The following FAM149A variants were observed in gnomAD, a reference collection of about 807,000 sequenced individuals.
FAM149A encodes protein FAM149A.
A neutral mutation model predicts 78.2 loss-of-function variants in FAM149A; 71 were observed. The observed-to-expected ratio is 0.91, with a 90% CI of 0.75 to 1.11. The LOEUF is 1.11. FAM149A is among the 50% of genes least tolerant of loss of function. The pLI, the probability that FAM149A is intolerant of heterozygous loss-of-function variation, is 0.00. For synonymous variants in FAM149A, 446 were observed against 410.5 expected (o/e 1.09, Z -1.04); for missense variants, 1,036 against 971.0 (o/e 1.07, Z -0.89).
chr4:186,169,168 A>G, intron 13 of FAM149A: 1 of 983,178 alleles, frequency 1.0e-6, no homozygotes, highest in Non-Finnish European at 1.2e-6. Flanking sequence ...TCATTGACCA[A>G]ATGCCAAGTC....
chr4:186,126,066 T>G, intron 1 of FAM149A: 1 of 985,392 alleles, frequency 1.0e-6, no homozygotes, highest in Non-Finnish European at 1.2e-6. Context: ...CAGACTCCTG[T>G]GGGATCTGGA....
chr4:186,124,267 T>TTC (rs2099317304), intron 1 of FAM149A: 1 of 971,466 alleles, frequency 1.0e-6, no homozygotes, highest in Non-Finnish European at 1.2e-6. Context: ...TTTTCTTTCT[T>TTC]TTTTTTTTAT....
At chr4:186,130,754 ATATGAGAT>A in intron 1 of FAM149A, among the ~76,000 whole-genome samples, 1 of 152,106 alleles carries the variant, frequency 6.6e-6, no homozygotes, top group South Asian at 2.1e-4. Flanking sequence ...CCTCTCATAG[ATATGAGAT>A]GGATTGAAAA....
chr4:186,150,482 C>T (rs13127380), intron 3 of FAM149A, among the ~76,000 whole-genome samples: 2 of 115,722 alleles, frequency 1.7e-5, no homozygotes, highest in Admixed American at 9.3e-5. Flanking sequence ...TGCAGGGGCG[C>T]GATCTCGGCT....
chr4:186,123,386 A>G, intron 1 of FAM149A: 3 of 985,058 alleles, frequency 3.0e-6, no homozygotes, highest in Non-Finnish European at 3.6e-6. Context: ...ACATGTGCTG[A>G]TGTTGGGAGA....
Position 186,104,814 on chromosome 4 carries a change from C to T in FAM149A, c.-263C>T, listed in dbSNP as rs998132691. Reference sequence around the variant, plus strand: ...GCGCTTCCCGGGGCTCCTGGCCCTTCGGCCCTCGGGGGTCTCACGGCGCTG... The same window carrying T: ...GCGCTTCCCGGGGCTCCTGGCCCTTTGGCCCTCGGGGGTCTCACGGCGCTG... On this transcript the variant is annotated 5_prime_UTR_variant, in exon 1 of 14. Coordinates refer to ENST00000389354, the MANE Select transcript of FAM149A (RefSeq NM_001367768.3). 9.3e-5 allele frequency among the ~76,000 whole-genome samples: 14 copies of T among 150,658 alleles called. No individual in the cohort carries two copies. Among genetic ancestry groups the T allele is most frequent in the African/African-American group, 3.4e-4 (14 of 40,612 alleles).
chr4:186,153,760 A>G lies in FAM149A; in HGVS notation c.1048A>G (p.Asn350Asp). The stretch of plus-strand genomic sequence containing the variant: ...GCTCAGTGCCTGCGGACACAGCAGC[A>G]ACATCAGAGAGTATGTTCAGATAAG... Residue 350 changes from asparagine to aspartate, a missense_variant, in exon 5 of 14, where the codon AAC becomes GAC. Physicochemically the swap from Asn to Asp is conservative, Grantham distance 23. This residue lies in a region of FAM149A where 716 missense variants were observed against 711.8 expected (regional missense o/e 1.01). Transcript: ENST00000389354. 6.2e-7 allele frequency: 1 copy of G among 1,607,234 alleles called. No individual in the cohort carries two copies. The highest frequency in any genetic ancestry group is 1.3e-5 in the African/African-American group (1 of 74,932).
At chr4:186,132,858 C>A in intron 1 of FAM149A, 1 of 513,396 alleles carries the variant, frequency 1.9e-6, no homozygotes, top group Non-Finnish European at 2.5e-6. Context: ...CTTTTGGCAT[C>A]CTGAACTGGG....
chr4:186,165,260 G>C, intron 10 of FAM149A, 84 bp from the exon 11 acceptor site: 1 of 1,506,932 alleles, frequency 6.6e-7, no homozygotes, highest in Non-Finnish European at 9.2e-7. Flanking sequence ...CAGAAACATT[G>C]AAATCACAGC....
chr4:186,157,130 T>A (rs7676896), intron 7 of FAM149A, among the ~76,000 whole-genome samples: 2 of 152,070 alleles, frequency 1.3e-5, no homozygotes, highest in African/African-American at 4.8e-5. Flanking sequence ...ATGTAAACAT[T>A]GCTAATTGAA....
In FAM149A at chr4:186,164,622, G is replaced by A. The variant is rs551982511; in HGVS notation, c.1890-722G>A. ...GAGATCCCTCTCCCTCCTCCGCCTC[G>A]CTTCCCCCCATGCCAGTCAGCAGCA... On this transcript the variant is annotated intron_variant, in intron 10 of 13. Coordinates refer to ENST00000389354, the MANE Select transcript of FAM149A (RefSeq NM_001367768.3). This position sits in a 1 kb window ranked among gnomAD's most constrained non-coding sequence, Gnocchi z 4.0. The A allele has an allele frequency of 6.0e-5, 22 of 366,294 alleles. No homozygotes were observed. Among genetic ancestry groups the A allele is most frequent in the Middle Eastern group, 1.5e-3 (1 of 686 alleles). 22.7% of individuals were successfully genotyped at this position (366,294 alleles called of 1,614,324 possible).
Position 186,162,966 on chromosome 4 carries a change from T to C in FAM149A, c.1679+18T>C, listed in dbSNP as rs1561415827. On this transcript the variant is annotated intron_variant, in intron 9 of 13. Transcript: ENST00000389354. ...AGAACGCAGTACGTATCAGAATCAG[T>C]AGTAGTTACCCAGCCTCTTCCCTGT... is the stretch of plus-strand genomic sequence containing the variant. The C allele has an allele frequency of 5.6e-6, 8 of 1,421,906 alleles. No homozygotes were observed. The South Asian group carries it at 8.2e-5, about 15-fold the overall frequency. 88.1% of individuals were successfully genotyped at this position (1,421,906 alleles called of 1,614,324 possible).
chr4:186,125,144 C>T, intron 1 of FAM149A: 2 of 478,700 alleles, frequency 4.2e-6, no homozygotes, highest in Non-Finnish European at 5.5e-6. Context: ...GGTCATGTGT[C>T]CACAGCCATA....
chr4:186,144,698 A>G lies in FAM149A; in HGVS notation c.567-4475A>G. 1 of 578,786 alleles carries G rather than the reference A, an allele frequency of 1.7e-6. No individual in the cohort carries two copies. Among genetic ancestry groups the G allele is most frequent in the Admixed American group, 6.4e-5 (1 of 15,632 alleles). 35.9% of individuals were successfully genotyped at this position (578,786 alleles called of 1,614,324 possible). On this transcript the variant is annotated intron_variant, in intron 1 of 13. Transcript: ENST00000389354. This position sits in a 1 kb window ranked among gnomAD's most constrained non-coding sequence, Gnocchi z 4.2. ...AACCCGGCCCGGCAGGGAGCGGGGA[A>G]GGCGCGCTTTCCCGGAGGTCGGCGC...
intron 1 of FAM149A, among the ~76,000 whole-genome samples, chr4:186,131,358 A>G (rs1209248477): frequency 2.0e-5 from 3 of 147,286 alleles, no homozygotes; most frequent in Admixed American, 6.8e-5. Context: ...AAAAAAAAAA[A>G]GAGGAAGACA....
chr4:186,139,295 G>A (rs2099324820), intron 1 of FAM149A, among the ~76,000 whole-genome samples: 1 of 152,118 alleles, frequency 6.6e-6, no homozygotes, highest in African/African-American at 2.4e-5. Context: ...TGGAGCCCTG[G>A]TCCCTCTATT....
intron 1 of FAM149A, chr4:186,108,965 A>G (rs1304188257): frequency 2.0e-5 from 3 of 150,184 alleles, no homozygotes; most frequent in Admixed American, 6.7e-5. Context: ...CTCCTGCCTC[A>G]GCCTCCCGAG....
intron 1 of FAM149A, among the ~76,000 whole-genome samples, chr4:186,106,695 C>T (rs939897653): frequency 1.3e-5 from 2 of 152,156 alleles, no homozygotes; most frequent in Admixed American, 1.3e-4. Flanking sequence ...CGCCTGTAAT[C>T]CCAGCACTTT....
In FAM149A at chr4:186,125,375, G is replaced by C. The variant is rs977863903; in HGVS notation, c.566+19733G>C. On this transcript the variant is annotated intron_variant, in intron 1 of 13. Coordinates refer to ENST00000389354, the MANE Select transcript of FAM149A (RefSeq NM_001367768.3). ...CCCACATCCCCTGCGGAGGTCTCTT[G>C]ATGATAGCCACTGCTGAGGGAAGCA... 3 of 972,990 alleles carry C rather than the reference G, an allele frequency of 3.1e-6. No homozygotes were observed. In the Admixed American group the frequency reaches 1.8e-4, roughly 60 times the overall value. 60.3% of individuals were successfully genotyped at this position (972,990 alleles called of 1,614,324 possible).
Sources: gnomAD v4.1 joint callset for allele counts (sites outside exome capture counted in the v4.1 genomes callset) on GRCh38, gnomAD v4.1.1 for gene constraint, gnomAD v4.1.1 regional missense constraint, Gnocchi (gnomAD v3.1) non-coding constraint, MANE v1.5 for transcripts, NCBI Gene and HGNC (gene_info 2026-07-23, HGNC 2026-07-21) for gene names.